The following RNF217 variants were observed in gnomAD, a reference collection of about 807,000 sequenced individuals.
RNF217 encodes the protein ring finger protein 217.
A neutral mutation model predicts 57.8 loss-of-function variants in RNF217; 31 were observed. That is an observed-to-expected ratio of 0.54 (90% confidence interval 0.40 to 0.72). RNF217 has a LOEUF of 0.72. RNF217 is among the 30% of genes least tolerant of loss of function. The pLI, the probability that RNF217 is intolerant of heterozygous loss-of-function variation, is 0.00. For missense variants in RNF217, 696 were observed against 708.3 expected (o/e 0.98, Z 0.20); for synonymous variants, 313 against 294.0 (o/e 1.06, Z -0.66).
chr6:125,017,655 C>A (rs1483499557), intron 1 of RNF217, among the ~76,000 whole-genome samples: 1 of 152,036 alleles, frequency 6.6e-6, no homozygotes, highest in East Asian at 1.9e-4. Flanking sequence ...GTCTTATAAC[C>A]CTATCATTAA....
chr6:125,055,975 T>A (rs188224790), intron 2 of RNF217, among the ~76,000 whole-genome samples: 1 of 152,250 alleles, frequency 6.6e-6, no homozygotes, highest in East Asian at 1.9e-4. Flanking sequence ...GTAACATCCT[T>A]TTTTTCTTTT....
chr6:125,061,178 A>G (rs764817509), intron 3 of RNF217, among the ~76,000 whole-genome samples: 12 of 152,052 alleles, frequency 7.9e-5, no homozygotes, highest in Non-Finnish European at 1.6e-4. Context: ...TTGAAAGCAT[A>G]TATTTATAAA....
intron 1 of RNF217, among the ~76,000 whole-genome samples, chr6:124,977,119 A>C (rs986145108): frequency 6.6e-6 from 1 of 152,328 alleles, no homozygotes; most frequent in East Asian, 1.9e-4. Flanking sequence ...AAATCATCCA[A>C]ATGAAGAGCT....
chr6:125,068,105 T>C (rs1233707667), intron 3 of RNF217, among the ~76,000 whole-genome samples: 5 of 152,116 alleles, frequency 3.3e-5, no homozygotes, highest in Admixed American at 1.3e-4. Context: ...ACATGCTGTG[T>C]GTTGGTACTG....
chr6:125,081,902 G>A (rs1257717540), intron 5 of RNF217, among the ~76,000 whole-genome samples: 3 of 152,072 alleles, frequency 2.0e-5, no homozygotes, highest in African/African-American at 7.2e-5. Context: ...AGTAAAAGAT[G>A]CCATAGGTAC....
rs1788743978 is a variant in RNF217, at chr6:125,085,437, G to T, written c.*2500G>T. ...CTGGTAACTTAAAATGATTATTTGT[G>T]AATTTTTTACTAAGTTTCATCAAGA... On this transcript the variant is annotated 3_prime_UTR_variant, in exon 6 of 6. Transcript: ENST00000521654. 1 of 151,680 alleles carries T rather than the reference G, an allele frequency of 6.6e-6. No homozygotes were observed. Among genetic ancestry groups the T allele is most frequent in the African/African-American group, 2.4e-5 (1 of 41,336 alleles). The allele number at this position is 151,680 out of a possible 1,614,324, so 9.4% of individuals were successfully genotyped here. A position where few individuals can be genotyped will look rare whatever the true frequency, so the allele number is the denominator to read the frequency against.
chr6:124,967,235 A>G (rs1460296215), intron 1 of RNF217, among the ~76,000 whole-genome samples: 1 of 152,232 alleles, frequency 6.6e-6, no homozygotes, highest in Non-Finnish European at 1.5e-5. Flanking sequence ...TGTCTGCAAT[A>G]TCCTGCACAT....
chr6:125,002,451 C>G (rs1486883148), intron 1 of RNF217, among the ~76,000 whole-genome samples: 1 of 152,190 alleles, frequency 6.6e-6, no homozygotes, highest in Non-Finnish European at 1.5e-5. Flanking sequence ...GCCCCTATCC[C>G]CATCTTCCCT....
intron 4 of RNF217, among the ~76,000 whole-genome samples, chr6:125,077,886 C>T (rs484822): frequency 0.021 from 3,206 of 152,218 alleles, 108 homozygotes; most frequent in African/African-American, 0.072. Context: ...CCATTTTCCT[C>T]CTTAGAAGCA....
At chr6:124,968,627 A>G (rs1197774193) in intron 1 of RNF217, among the ~76,000 whole-genome samples, 1 of 152,120 alleles carries the variant, frequency 6.6e-6, no homozygotes, top group East Asian at 1.9e-4. Context: ...CTACATAGAG[A>G]AACCTTGCAT....
intron 1 of RNF217, among the ~76,000 whole-genome samples, chr6:125,005,341 A>AT (rs1785140320): frequency 6.6e-6 from 1 of 152,228 alleles, no homozygotes; most frequent in Non-Finnish European, 1.5e-5. Context: ...ACATCAAAGG[A>AT]TAAAAAATTC....
At chr6:125,022,745 C>A (rs1187279671) in intron 1 of RNF217, among the ~76,000 whole-genome samples, 1 of 152,166 alleles carries the variant, frequency 6.6e-6, no homozygotes, top group Non-Finnish European at 1.5e-5. Context: ...TACAATTACA[C>A]ATTACACGCT....
At chr6:124,980,755 G>A (rs1013472132) in intron 1 of RNF217, among the ~76,000 whole-genome samples, 4 of 152,284 alleles carry the variant, frequency 2.6e-5, no homozygotes, top group Middle Eastern at 3.4e-3. Context: ...TATGCTGAAT[G>A]ACTGAGTTGC....
chr6:125,062,325 G>T (rs1420714785), intron 3 of RNF217, among the ~76,000 whole-genome samples: 1 of 151,976 alleles, frequency 6.6e-6, no homozygotes, highest in Non-Finnish European at 1.5e-5. Context: ...GAAGAGATTT[G>T]ACTTGTGCTT....
At chr6:124,968,782 A>G (rs1783648003) in intron 1 of RNF217, among the ~76,000 whole-genome samples, 1 of 152,246 alleles carries the variant, frequency 6.6e-6, no homozygotes, top group Admixed American at 6.5e-5. Context: ...CAAAAGACAT[A>G]AAAAAGAGAT....
chr6:125,083,244 G>C lies in RNF217; in HGVS notation c.*307G>C, dbSNP rs1378378158. 2 of 211,436 alleles carry C rather than the reference G, an allele frequency of 9.5e-6. No homozygotes were observed. Among genetic ancestry groups the C allele is most frequent in the Non-Finnish European group, 1.9e-5 (2 of 107,830 alleles). The allele number at this position is 211,436 out of a possible 1,614,324, so 13.1% of individuals were successfully genotyped here. ...ATATTTTAAGAACCAGTTATCCTAAGAATTCTGAGCACGCCTCTTCTGAGA... is the reference window on the plus strand; with the variant it reads ...ATATTTTAAGAACCAGTTATCCTAACAATTCTGAGCACGCCTCTTCTGAGA... On this transcript the variant is annotated 3_prime_UTR_variant, in exon 6 of 6. Transcript: ENST00000521654.
Position 124,962,895 on chromosome 6 carries a change from A to T in RNF217, c.351A>T (p.Arg117=). 3 of 1,598,038 alleles carry T rather than the reference A, an allele frequency of 1.9e-6. No homozygotes were observed. Among genetic ancestry groups the T allele is most frequent in the Non-Finnish European group, 2.5e-6 (3 of 1,179,660 alleles). The change falls in exon 1 of 6, where the codon CGA becomes CGT. Residue 117 remains arginine, a synonymous_variant. Coordinates refer to ENST00000521654, the MANE Select transcript of RNF217 (RefSeq NM_001286398.3). This position sits in a 1 kb window ranked among gnomAD's most constrained non-coding sequence, Gnocchi z 4.6. ...AGGAAGAGGAGGAAGCTGGGGATCG[A>T]AAAGAGGGAGGGGATGAACAGCAGG... The part of the protein sequence containing the change: ...LEEEEEEAGD[R]KEGGDEQQEA...
Position 124,963,005 on chromosome 6 carries a change from G to C in RNF217, c.461G>C (p.Arg154Pro). 6.3e-7 allele frequency: 1 copy of C among 1,595,804 alleles called. No homozygotes were observed. The highest frequency in any genetic ancestry group is 8.5e-7 in the Non-Finnish European group (1 of 1,178,728). The change falls in exon 1 of 6, where the codon CGC (arginine) becomes CCC (proline). Residue 154 changes from arginine (R) to proline (P), a missense_variant. Coordinates refer to ENST00000521654, the MANE Select transcript of RNF217 (RefSeq NM_001286398.3). ...GTCCTGGACGTGCTGGGTCAGCGGC[G>C]CCCGTCCCTCGCCAAGAGACAAGTC... Reference protein sequence around the residue: ...GLVLDVLGQRRPSLAKRQVFC... With the variant: ...GLVLDVLGQRPPSLAKRQVFC...
At chr6:125,081,554 T>TAG in intron 5 of RNF217, 47 bp downstream of exon 5, 1 of 1,430,536 alleles carries the variant, frequency 7.0e-7, no homozygotes, top group Non-Finnish European at 9.8e-7. Flanking sequence ...CTGAGGGCCA[T>TAG]AGAGAGAATA....
Sources: gnomAD v4.1 joint callset for allele counts (sites outside exome capture counted in the v4.1 genomes callset) on GRCh38, gnomAD v4.1.1 for gene constraint, Gnocchi (gnomAD v3.1) non-coding constraint, MANE v1.5 for transcripts, NCBI Gene and HGNC (gene_info 2026-07-23, HGNC 2026-07-21) for gene names.